The following ENG variants were observed in gnomAD, a reference collection of about 807,000 sequenced individuals.
ENG encodes endoglin.
In ENG, 17 loss-of-function variants were observed where a neutral mutation model predicts 71.0. That is an observed-to-expected ratio of 0.24 (90% CI 0.16 to 0.36). ENG has a LOEUF of 0.36. Ranked by LOEUF, ENG falls within the 10% of genes least tolerant of loss-of-function variation. The pLI is 1.00. For synonymous variants in ENG, 360 were observed against 366.9 expected (o/e 0.98, Z 0.21); for missense variants, 749 against 868.3 (o/e 0.86, Z 1.73).
At chr9:127,818,933 TGA>T (rs1830405221) in intron 10 of ENG, 101 bp from the exon 11 acceptor site, 6 of 960,536 alleles carry the variant, frequency 6.2e-6, no homozygotes, top group East Asian at 2.5e-5. Context: ...TGGAGTTGCC[TGA>T]CTCTCTTTTT....
chr9:127,819,728 G>A (rs574591500), intron 9 of ENG, 68 bp from the exon 10 acceptor site: 16 of 1,583,132 alleles, frequency 1.0e-5, no homozygotes, highest in South Asian at 8.0e-5. Flanking sequence ...CACCCAATAC[G>A]CCCATTTTTG....
intron 3 of ENG, 62 bp from the exon 4 acceptor site, chr9:127,826,734 T>TAGG: frequency 6.3e-7 from 1 of 1,596,674 alleles, no homozygotes; most frequent in Non-Finnish European, 8.5e-7. Context: ...CTATCCCATG[T>TAGG]AGGAGGTCAG....
chr9:127,848,781 A>G (rs563212883), intron 1 of ENG, among the ~76,000 whole-genome samples: 1 of 152,316 alleles, frequency 6.6e-6, no homozygotes, highest in East Asian at 1.9e-4. Flanking sequence ...GAGAGTCCAC[A>G]GCATTCCATG....
intron 8 of ENG, among the ~76,000 whole-genome samples, chr9:127,823,704 CAG>C (rs1489923953): frequency 1.1e-3 from 98 of 92,602 alleles, no homozygotes; most frequent in African/African-American, 4.3e-3. Flanking sequence ...TTTTCTGAGA[CAG>C]AGTCTCACTC....
At chr9:127,821,337 A>C (rs146054814) in intron 8 of ENG, 205 of 152,290 alleles carry the variant, frequency 1.3e-3, no homozygotes, top group African/African-American at 4.9e-3. Context: ...AGGCTGAGGC[A>C]CAAGAATCGC....
chr9:127,816,361 C>T (rs1415339511), intron 13 of ENG: 6 of 469,766 alleles, frequency 1.3e-5, no homozygotes, highest in East Asian at 1.2e-4. Context: ...AACTGAGGCT[C>T]GGGAGTACAG....
chr9:127,830,441 G>A (rs765890299), intron 2 of ENG, among the ~76,000 whole-genome samples: 2 of 151,344 alleles, frequency 1.3e-5, no homozygotes, highest in African/African-American at 2.4e-5. Flanking sequence ...TCAGGAGTTC[G>A]AGACTAGTCT....
rs950576414 is a variant in ENG, at chr9:127,836,137, T to C, written c.220-6310A>G. On this transcript the variant is annotated intron_variant, in intron 2 of 14. Transcript: ENST00000373203. This position sits in a 1 kb window ranked among gnomAD's most constrained non-coding sequence, Gnocchi z 4.0. The stretch of plus-strand genomic sequence containing the variant: ...CACGGCCACTCACACGCACACCGAC[T>C]TCCCCCTTCTCTCCCGGCCGGGGGC... 6.6e-6 allele frequency among the ~76,000 whole-genome samples: 1 copy of C among 152,198 alleles called. No individual in the cohort carries two copies.
intron 1 of ENG, among the ~76,000 whole-genome samples, chr9:127,852,424 T>C (rs954611595): frequency 2.6e-5 from 4 of 152,180 alleles, no homozygotes; most frequent in African/African-American, 9.7e-5. Flanking sequence ...CTGCCTTCCA[T>C]GGGCCTCAGC....
rs1830954716 is a variant in ENG, at chr9:127,838,479, C to G, written c.219+4615G>C. Among the ~76,000 whole-genome samples the G allele has an allele frequency of 6.6e-6, 1 of 151,978 alleles. No homozygotes were observed. Among genetic ancestry groups the G allele is most frequent in the Non-Finnish European group, 1.5e-5 (1 of 67,950 alleles). On this transcript the variant is annotated intron_variant, in intron 2 of 14. Coordinates refer to ENST00000373203, the MANE Select transcript of ENG (RefSeq NM_001114753.3). This position sits in a 1 kb window ranked among gnomAD's most constrained non-coding sequence, Gnocchi z 4.3. ...CTGGGGGAGCTAAGGTCCCTCCCGGCTCTCTCTCTCTGCCTGAGTGGTGTT... is the reference window on the plus strand; with the variant it reads ...CTGGGGGAGCTAAGGTCCCTCCCGGGTCTCTCTCTCTGCCTGAGTGGTGTT...
At chr9:127,831,420 C>G (rs908120169) in intron 2 of ENG, among the ~76,000 whole-genome samples, 3 of 149,744 alleles carry the variant, frequency 2.0e-5, no homozygotes, top group African/African-American at 7.4e-5. Flanking sequence ...CGGAGTCTCG[C>G]TCTGTCGCCC....
intron 1 of ENG, among the ~76,000 whole-genome samples, chr9:127,847,885 G>A (rs1474971838): frequency 2.0e-5 from 3 of 152,038 alleles, no homozygotes; most frequent in Non-Finnish European, 4.4e-5. Context: ...CCTTGGCCCC[G>A]GGCTCCCCCC....
At chr9:127,831,737 G>C (rs1830771429) in intron 2 of ENG, among the ~76,000 whole-genome samples, 1 of 149,212 alleles carries the variant, frequency 6.7e-6, no homozygotes, top group African/African-American at 2.5e-5. Flanking sequence ...TGTCACCCAG[G>C]CTGGAACCCA....
chr9:127,824,489 G>A, intron 7 of ENG, 43 bp from the exon 8 acceptor site: 1 of 1,211,438 alleles, frequency 8.3e-7, no homozygotes, highest in Non-Finnish European at 1.2e-6. Context: ...GTCACTGTGT[G>A]ATCACTGTGT....
Position 127,818,383 on chromosome 9 carries a change from T to C in ENG, c.1429-6A>G, listed in dbSNP as rs1830386658. 4 of 1,613,044 alleles carry C rather than the reference T, an allele frequency of 2.5e-6. No individual in the cohort carries two copies. Among genetic ancestry groups the C allele is most frequent in the South Asian group, 1.1e-5 (1 of 91,084 alleles). On this transcript the variant is annotated splice_polypyrimidine_tract_variant and splice_region_variant and intron_variant, in intron 11 of 14. Coordinates refer to ENST00000373203, the MANE Select transcript of ENG (RefSeq NM_001114753.3). ...ACGGATGGGGACACTCTGACCTGCA[T>C]GGGTAGGTAGGGCCACGCGGCATGG... is the stretch of plus-strand genomic sequence containing the variant.
At position 127,826,540 on chromosome 9, in the gene ENG, G is replaced by T; in HGVS notation, c.493C>A (p.Pro165Thr). The change falls in exon 4 of 15, where the codon CCC (proline) becomes ACC (threonine). Residue 165 changes from proline (P) to threonine (T), a missense_variant. Physicochemically the swap from Pro to Thr is conservative, Grantham distance 38. Transcript: ENST00000373203. ...PITSAAELND[P>T]QSILLRLGQA... is the part of the protein sequence containing the mutation. ...CCCAGTCGGAGGAGGATGCTCTGGG[G>T]GTCATTCAGCTCAGCAGCAGAGGTG... 1 of 1,614,108 alleles carries T rather than the reference G, an allele frequency of 6.2e-7. No individual in the cohort carries two copies. Among genetic ancestry groups the T allele is most frequent in the Non-Finnish European group, 8.5e-7 (1 of 1,179,996 alleles).
intron 2 of ENG, among the ~76,000 whole-genome samples, chr9:127,830,063 T>G (rs1243157102): frequency 6.6e-6 from 1 of 151,912 alleles, no homozygotes; most frequent in African/African-American, 2.4e-5. Flanking sequence ...AAAATTAGGC[T>G]GGGCACGGTG....
intron 13 of ENG, 178 bp downstream of exon 13, chr9:127,816,971 C>G: frequency 1.4e-6 from 1 of 731,980 alleles, no homozygotes; most frequent in Non-Finnish European, 2.3e-6. Context: ...GCAGCTCTGG[C>G]CCCTGCTCTA....
At position 127,815,805 on chromosome 9, in the gene ENG, AC is replaced by A; in HGVS notation, c.1853del (p.Arg618LeufsTer54). On this transcript the variant is annotated frameshift_variant and splice_region_variant, in exon 15 of 15. Transcript: ENST00000373203. LOFTEE classifies it high-confidence loss of function. Reference sequence around the variant, plus strand: ...CCACGGGCTCCCGCTTGCTGGGGGAACCTGGGAGCGGGAGCGGGGGCAGGGG... The same window carrying A: ...CCACGGGCTCCCGCTTGCTGGGGGAACTGGGAGCGGGAGCGGGGGCAGGGG... The part of the protein sequence containing the change: ...AALWYIYSHT[R>X]SPSKREPVVA... The A allele has an allele frequency of 6.5e-7, 1 of 1,546,724 alleles. No individual in the cohort carries two copies.
Sources: gnomAD v4.1 joint callset for allele counts (sites outside exome capture counted in the v4.1 genomes callset) on GRCh38, gnomAD v4.1.1 for gene constraint, Gnocchi (gnomAD v3.1) non-coding constraint, MANE v1.5 for transcripts, NCBI Gene and HGNC (gene_info 2026-07-23, HGNC 2026-07-21) for gene names.